The following SOX5 variants were observed in gnomAD, a reference collection of about 807,000 sequenced individuals.
SOX5 encodes the protein transcription factor SOX-5.
A neutral mutation model predicts 92.0 loss-of-function variants in SOX5; 9 were observed. The ratio of observed to expected loss-of-function variants is 0.10; its 90% CI spans 0.06 to 0.17. SOX5 has a LOEUF of 0.17. SOX5 is among the 10% of genes least tolerant of loss of function. The probability of loss-of-function intolerance (pLI) is 1.00; values close to 1 mark genes in which losing one functional copy is unlikely to be tolerated. For missense variants in SOX5, 642 were observed against 944.5 expected, an observed-to-expected ratio of 0.68 and a Z score of 4.20; for synonymous variants, 344 against 336.3, an observed-to-expected ratio of 1.02 and a Z score of -0.25.
intron 1 of SOX5, among the ~76,000 whole-genome samples, chr12:23,898,877 C>T (rs952193866): frequency 3.3e-5 from 5 of 151,996 alleles, no homozygotes; most frequent in Non-Finnish European, 5.9e-5. Context: ...TTTGTTAAAT[C>T]GTTATAATAA....
chr12:24,171,563 C>G (rs892596426), intron 4 of SOX5, among the ~76,000 whole-genome samples: 7 of 152,204 alleles, frequency 4.6e-5, no homozygotes, highest in Non-Finnish European at 8.8e-5. Flanking sequence ...ATGATTTGCT[C>G]AGAATTTTAT....
At chr12:23,578,933 G>T (rs771796881) in intron 9 of SOX5, among the ~76,000 whole-genome samples, 86 of 141,184 alleles carry the variant, frequency 6.1e-4, no homozygotes, top group Non-Finnish European at 1.2e-3. Context: ...AGAAGAAAAA[G>T]AAACAAAACA....
chr12:24,442,004 T>C (rs143527440), intron 1 of SOX5, among the ~76,000 whole-genome samples: 19 of 152,292 alleles, frequency 1.2e-4, no homozygotes, highest in Non-Finnish European at 2.4e-4. Context: ...GGAGTAACAG[T>C]AAACACGTAA....
At chr12:24,093,617 G>T (rs1477277928) in intron 4 of SOX5, among the ~76,000 whole-genome samples, 1 of 150,062 alleles carries the variant, frequency 6.7e-6, no homozygotes, top group Non-Finnish European at 1.5e-5. Context: ...ATTTTATATT[G>T]ATCTATATTA....
intron 1 of SOX5, among the ~76,000 whole-genome samples, chr12:24,495,808 G>C (rs567650104): frequency 1.3e-5 from 2 of 152,146 alleles, no homozygotes; most frequent in Non-Finnish European, 2.9e-5. Context: ...CACAAGGATG[G>C]GGGAGGGTGT....
intron 3 of SOX5, among the ~76,000 whole-genome samples, chr12:23,777,804 A>G (rs149466831): frequency 9.9e-5 from 15 of 152,180 alleles, no homozygotes; most frequent in African/African-American, 3.4e-4. Flanking sequence ...CAGGGGAAAT[A>G]ATTTTATCTT....
chr12:23,870,621 A>G (rs1199754910), intron 2 of SOX5, among the ~76,000 whole-genome samples: 1 of 152,160 alleles, frequency 6.6e-6, no homozygotes, highest in Non-Finnish European at 1.5e-5. Flanking sequence ...CTACTGAGCT[A>G]CAAAGTCTAC....
intron 1 of SOX5, among the ~76,000 whole-genome samples, chr12:24,547,359 T>C (rs941942209): frequency 2.6e-5 from 4 of 151,400 alleles, no homozygotes; most frequent in Non-Finnish European, 5.9e-5. Flanking sequence ...GCCCGGCTAA[T>C]TTTTTGTATT....
rs1215003541 is a variant in SOX5, at chr12:24,052,679, T to C, written c.-1-156655A>G. Among the ~76,000 whole-genome samples, 4 of 152,348 alleles carry C rather than the reference T, an allele frequency of 2.6e-5. No individual in the cohort carries two copies. In the East Asian group the frequency reaches 7.7e-4, roughly 29 times the overall value. On this transcript the variant is annotated intron_variant, in intron 4 of 4. Coordinates refer to the SOX5 transcript ENST00000446891. ...TAGAATTCAGCACTCATTTATTGAA[T>C]TCCAGTGACATGTGAAATGTTTTTT...
At chr12:24,142,046 T>C (rs986953892) in intron 4 of SOX5, among the ~76,000 whole-genome samples, 1 of 152,202 alleles carries the variant, frequency 6.6e-6, no homozygotes, top group Admixed American at 6.5e-5. Flanking sequence ...TCCCCTTTTA[T>C]GTTCCTTTTA....
chr12:23,552,079 T>A (rs1432029312), intron 11 of SOX5, among the ~76,000 whole-genome samples: 1 of 151,920 alleles, frequency 6.6e-6, no homozygotes, highest in Non-Finnish European at 1.5e-5. Flanking sequence ...GAAAATGACT[T>A]GATAATACTG....
chr12:23,771,508 T>C (rs956134421), intron 3 of SOX5, among the ~76,000 whole-genome samples: 3 of 152,208 alleles, frequency 2.0e-5, no homozygotes, highest in African/African-American at 7.2e-5. Flanking sequence ...AGGGTCGGGA[T>C]TGAATAACCA....
At chr12:24,401,732 AAAAAAT>A in intron 1 of SOX5, among the ~76,000 whole-genome samples, 1 of 143,488 alleles carries the variant, frequency 7.0e-6, no homozygotes, top group Non-Finnish European at 1.5e-5. Flanking sequence ...AAAAAAAAAA[AAAAAAT>A]TGCAAAATAT....
intron 3 of SOX5, among the ~76,000 whole-genome samples, chr12:24,265,737 T>G (rs1942911445): frequency 6.6e-6 from 1 of 152,194 alleles, no homozygotes. Context: ...TTTAGTGTTA[T>G]CTATACACTC....
chr12:23,861,322 G>T (rs778999774), intron 2 of SOX5, among the ~76,000 whole-genome samples: 1 of 152,154 alleles, frequency 6.6e-6, no homozygotes, highest in African/African-American at 2.4e-5. Context: ...GCTGTTTATT[G>T]CTTTATTGAG....
chr12:24,415,506 C>T (rs184234589), intron 1 of SOX5, among the ~76,000 whole-genome samples: 3 of 152,172 alleles, frequency 2.0e-5, no homozygotes, highest in Admixed American at 6.5e-5. Context: ...CCCCTAAATC[C>T]CAAATTAGTC....
chr12:23,784,528 G>T (rs531555071), intron 3 of SOX5, among the ~76,000 whole-genome samples: 1 of 151,972 alleles, frequency 6.6e-6, no homozygotes, highest in Non-Finnish European at 1.5e-5. Flanking sequence ...GGGTCTCACC[G>T]TGTTAGCCAG....
intron 5 of SOX5, chr12:23,738,536 G>T (rs928628196): frequency 1.3e-5 from 2 of 152,030 alleles, no homozygotes; most frequent in African/African-American, 2.4e-5. Context: ...AGAACTTAGG[G>T]GTTTGTAAAG....
In SOX5 at chr12:23,531,662, T is replaced by TC. The variant is rs1346126848; in HGVS notation, c.*2556dup. The TC allele has an allele frequency of 2.6e-5, 4 of 152,254 alleles. No individual in the cohort carries two copies. The highest frequency in any genetic ancestry group is 9.6e-5 in the African/African-American group (4 of 41,534). The allele number at this position is 152,254 out of a possible 1,614,324, so 9.4% of individuals were successfully genotyped here. ...GATATAAAAACAAGTGTCTATTTTT[T>TC]CCTTATCCAGAGTGCTTAAAAACAA... On this transcript the variant is annotated 3_prime_UTR_variant, in exon 15 of 15. Coordinates refer to ENST00000451604, the MANE Select transcript of SOX5 (RefSeq NM_006940.6).
Sources: allele counts gnomAD v4.1 joint callset (sites outside exome capture counted in the v4.1 genomes callset), GRCh38; gene constraint gnomAD v4.1.1; transcripts MANE v1.5; gene names NCBI Gene and HGNC (gene_info 2026-07-23, HGNC 2026-07-21).